Variants in AGBL4 observed in about 807,000 individuals in gnomAD.
AGBL4 encodes cytosolic carboxypeptidase 6.
A neutral mutation model predicts 66.4 loss-of-function variants in AGBL4; 58 were observed. The ratio of observed to expected loss-of-function variants is 0.87; its 90% confidence interval spans 0.71 to 1.09. The LOEUF (loss-of-function observed/expected upper bound fraction) is 1.09, where lower values mean the gene tolerates loss of function less well. AGBL4 is among the 50% of genes least tolerant of loss of function. The pLI is 0.00. For synonymous variants in AGBL4, 234 were observed against 222.9 expected (o/e 1.05, Z -0.44); for missense variants, 579 against 631.0 (o/e 0.92, Z 0.88).
intron 3 of AGBL4, among the ~76,000 whole-genome samples, chr1:49,347,915 G>T (rs532019895): frequency 1.2e-4 from 19 of 152,054 alleles, no homozygotes; most frequent in Non-Finnish European, 2.6e-4. Flanking sequence ...CAGTTGATTT[G>T]CCCCAAATTC....
At chr1:48,825,163 T>A (rs932269611) in intron 6 of AGBL4, among the ~76,000 whole-genome samples, 3 of 152,144 alleles carry the variant, frequency 2.0e-5, no homozygotes, top group African/African-American at 7.2e-5. Flanking sequence ...TAATTTCAGC[T>A]TCGAACACAA....
chr1:48,538,002 G>A (rs531239923), intron 12 of AGBL4, among the ~76,000 whole-genome samples: 4 of 152,284 alleles, frequency 2.6e-5, no homozygotes, highest in South Asian at 4.1e-4. Context: ...ATACATGCAC[G>A]TATGCACAAT....
At chr1:48,942,046 A>C (rs1006459518) in intron 5 of AGBL4, among the ~76,000 whole-genome samples, 3 of 152,222 alleles carry the variant, frequency 2.0e-5, no homozygotes, top group Non-Finnish European at 4.4e-5. Flanking sequence ...TTTTGTGAGG[A>C]CTGTTCTATA....
At chr1:49,012,075 C>T (rs1374632662) in intron 5 of AGBL4, among the ~76,000 whole-genome samples, 1 of 151,558 alleles carries the variant, frequency 6.6e-6, no homozygotes, top group Non-Finnish European at 1.5e-5. Context: ...AGGAACTCCC[C>T]CACCCCCTCC....
Position 49,071,657 on chromosome 1 carries a change from C to A in AGBL4, c.378-25857G>T, listed in dbSNP as rs537249811. Among the ~76,000 whole-genome samples, 5 of 152,036 alleles carry A rather than the reference C, an allele frequency of 3.3e-5. No homozygotes were observed. In the East Asian group the frequency reaches 7.7e-4, roughly 23 times the overall value. On this transcript the variant is annotated intron_variant, in intron 4 of 13. Coordinates refer to ENST00000371839, the MANE Select transcript of AGBL4 (RefSeq NM_032785.4). ...TTTACATTTGCTGAGGAGTGTGTTG[C>A]TTCCAATCATGTGGTCAATTTTAGA...
chr1:49,815,717 G>A (rs1008418041), intron 2 of AGBL4, among the ~76,000 whole-genome samples: 10 of 152,172 alleles, frequency 6.6e-5, no homozygotes, highest in Non-Finnish European at 1.3e-4. Flanking sequence ...TTTAACTAGC[G>A]TGAGATGCTA....
At chr1:49,801,758 C>T (rs1644866339) in intron 2 of AGBL4, among the ~76,000 whole-genome samples, 1 of 152,146 alleles carries the variant, frequency 6.6e-6, no homozygotes, top group Non-Finnish European at 1.5e-5. Flanking sequence ...CAAAGCCAGA[C>T]ATATAATTGT....
At chr1:49,990,572 A>G (rs1659863855) in intron 1 of AGBL4, among the ~76,000 whole-genome samples, 1 of 152,208 alleles carries the variant, frequency 6.6e-6, no homozygotes, top group South Asian at 2.1e-4. Flanking sequence ...TAGTATCTTT[A>G]TAGCAGTGTG....
chr1:49,175,414 A>T (rs1380155856), intron 4 of AGBL4, among the ~76,000 whole-genome samples: 1 of 152,050 alleles, frequency 6.6e-6, no homozygotes, highest in African/African-American at 2.4e-5. Context: ...CTGAAAAAGG[A>T]AAGATAATGG....
At chr1:49,353,444 T>A (rs1643952503) in intron 3 of AGBL4, among the ~76,000 whole-genome samples, 1 of 152,146 alleles carries the variant, frequency 6.6e-6, no homozygotes, top group South Asian at 2.1e-4. Context: ...ATTATTGTGA[T>A]TAATAAACAT....
intron 4 of AGBL4, among the ~76,000 whole-genome samples, chr1:49,172,744 T>A (rs1043460791): frequency 1.3e-5 from 2 of 152,134 alleles, no homozygotes; most frequent in African/African-American, 4.8e-5. Flanking sequence ...GTTCTGAAAA[T>A]CAGTGTGAGA....
intron 3 of AGBL4, among the ~76,000 whole-genome samples, chr1:49,355,994 T>C (rs927642713): frequency 1.3e-5 from 2 of 151,758 alleles, no homozygotes; most frequent in East Asian, 3.9e-4. Flanking sequence ...TAGGGGAGAG[T>C]CTTTACTACA....
chr1:48,740,850 C>T (rs1405544453), intron 6 of AGBL4, among the ~76,000 whole-genome samples: 2 of 152,170 alleles, frequency 1.3e-5, no homozygotes, highest in Admixed American at 6.5e-5. Flanking sequence ...ATTTCCAGTG[C>T]GTCCACTTCC....
In AGBL4 at chr1:49,197,956, T is replaced by C. The variant is rs906456422; in HGVS notation, c.377+47814A>G. ...ATGCTGCTGCTGCTAGGTCATAGTA[T>C]GCCACCCAGCTTGTTATGAGCTGAG... On this transcript the variant is annotated intron_variant, in intron 4 of 13. Coordinates refer to ENST00000371839, the MANE Select transcript of AGBL4 (RefSeq NM_032785.4). Among the ~76,000 whole-genome samples, 5 of 152,308 alleles carry C rather than the reference T, an allele frequency of 3.3e-5. No homozygotes were observed. In the East Asian group the frequency reaches 5.8e-4, roughly 18 times the overall value.
chr1:49,766,744 T>A (rs543777327), intron 2 of AGBL4, among the ~76,000 whole-genome samples: 27 of 151,818 alleles, frequency 1.8e-4, no homozygotes, highest in African/African-American at 6.5e-4. Context: ...GAAAGCTATA[T>A]CATGCAAATA....
intron 3 of AGBL4, among the ~76,000 whole-genome samples, chr1:49,494,096 A>G (rs1281682269): frequency 5.9e-5 from 9 of 151,874 alleles, no homozygotes; most frequent in Admixed American, 3.9e-4. Context: ...TTTAGGGTAT[A>G]TTTTAATTAA....
intron 6 of AGBL4, among the ~76,000 whole-genome samples, chr1:48,804,007 T>C (rs745643978): frequency 6.6e-6 from 1 of 152,214 alleles, no homozygotes; most frequent in Non-Finnish European, 1.5e-5. Flanking sequence ...AAATGGAGAT[T>C]AAAAATCTTA....
chr1:49,845,193 C>CA, intron 2 of AGBL4: 1 of 1,440,252 alleles, frequency 6.9e-7, no homozygotes, highest in South Asian at 1.1e-5. Context: ...TCTTCCGAAA[C>CA]AGCTCGGCAC....
chr1:49,339,624 T>G (rs1000379666), intron 3 of AGBL4, among the ~76,000 whole-genome samples: 6 of 152,202 alleles, frequency 3.9e-5, no homozygotes, highest in African/African-American at 1.4e-4. Flanking sequence ...GATCATTTAG[T>G]GCTGATGTTT....
Sources: gnomAD v4.1 joint callset for allele counts (sites outside exome capture counted in the v4.1 genomes callset) on GRCh38, gnomAD v4.1.1 for gene constraint, MANE v1.5 for transcripts, NCBI Gene and HGNC (gene_info 2026-07-23, HGNC 2026-07-21) for gene names.